SCARB1: variants seen among roughly 807,000 people sequenced by gnomAD.
SCARB1 encodes scavenger receptor class B member 1, also known as CD36 and LIMPII analogous 1.
Under a neutral mutation model 57.2 loss-of-function variants are expected in SCARB1, and 30 were observed. The observed-to-expected ratio is 0.52, with a 90% CI of 0.39 to 0.71. The LOEUF is 0.71. Among genes scored for constraint, SCARB1 ranks in the 30% least tolerant of loss-of-function variants. The pLI, the probability that SCARB1 is intolerant of heterozygous loss-of-function variation, is 0.00. For synonymous variants in SCARB1, 249 were observed against 268.3 expected (o/e 0.93, Z 0.70); for missense variants, 543 against 671.2 (o/e 0.81, Z 2.11).
intron 9 of SCARB1, among the ~76,000 whole-genome samples, chr12:124,791,094 G>C (rs1237601719): frequency 6.6e-6 from 1 of 152,226 alleles, no homozygotes; most frequent in Non-Finnish European, 1.5e-5. Context: ...TCTCTAGCGG[G>C]CTTCCCTGCC....
chr12:124,858,392 G>A lies in SCARB1; in HGVS notation c.126+5203C>T, dbSNP rs111782993. 3.1e-4 allele frequency among the ~76,000 whole-genome samples: 47 copies of A among 152,188 alleles called. 1 individual carries two copies. The highest frequency in any genetic ancestry group is 1.1e-3 in the African/African-American group (44 of 41,528). On this transcript the variant is annotated intron_variant, in intron 1 of 12. Coordinates refer to ENST00000261693, the MANE Select transcript of SCARB1 (RefSeq NM_005505.5). The stretch of plus-strand genomic sequence containing the variant: ...CACAATCGCGGCCCTTAGTGTGCCT[G>A]TCCAAACACCTCTCTCCAATCCTAC...
chr12:124,849,241 C>T (rs1566252889), intron 1 of SCARB1, among the ~76,000 whole-genome samples: 1 of 152,200 alleles, frequency 6.6e-6, no homozygotes, highest in Non-Finnish European at 1.5e-5. Context: ...GCTGCTGGGA[C>T]ACACTGCAGG....
intron 1 of SCARB1, among the ~76,000 whole-genome samples, chr12:124,849,841 T>C (rs1287968240): frequency 2.0e-5 from 3 of 151,526 alleles, no homozygotes; most frequent in East Asian, 1.9e-4. Context: ...GGTGGGAGGA[T>C]TGCTTGAGGC....
chr12:124,792,721 CA>C (rs930596389), intron 9 of SCARB1, among the ~76,000 whole-genome samples: 2,450 of 31,738 alleles, frequency 0.077, 30 homozygotes, highest in African/African-American at 0.22. Context: ...GACTTCGTCT[CA>C]AAAAAAAAAA....
intron 7 of SCARB1, among the ~76,000 whole-genome samples, chr12:124,803,332 A>G: frequency 6.6e-6 from 1 of 152,158 alleles, no homozygotes; most frequent in East Asian, 1.9e-4. Flanking sequence ...TAATCCCAGC[A>G]CTTTGGGCGG....
intron 12 of SCARB1, among the ~76,000 whole-genome samples, chr12:124,780,375 GT>G (rs920551465): frequency 5.9e-5 from 9 of 152,208 alleles, no homozygotes; most frequent in African/African-American, 2.2e-4. Flanking sequence ...AAAAATATCT[GT>G]TTTCCCCCCT....
In SCARB1 at chr12:124,777,587, C is replaced by T. The variant is rs1327842920; in HGVS notation, c.*1000G>A. 1 of 152,250 alleles carries T rather than the reference C, an allele frequency of 6.6e-6. No individual in the cohort carries two copies. The highest frequency in any genetic ancestry group is 2.4e-5 in the African/African-American group (1 of 41,452). The allele number at this position is 152,250 out of a possible 1,614,324, so 9.4% of individuals were successfully genotyped here. A position where few individuals can be genotyped will look rare whatever the true frequency, so the allele number is the denominator to read the frequency against. ...CCCGGAACTTCCCAGAGGCCCCCAC[C>T]CCCACGACCTCAGCAAACAAGGCTG... On this transcript the variant is annotated 3_prime_UTR_variant, in exon 13 of 13. Coordinates refer to ENST00000261693, the MANE Select transcript of SCARB1 (RefSeq NM_005505.5).
rs1413305598 is a variant in SCARB1, at chr12:124,817,698, T to C, written c.136A>G (p.Ile46Val). ...IKQQVLKNVRIDPSSLSFNMW... is the reference protein window; with the variant it reads ...IKQQVLKNVRVDPSSLSFNMW... ...TTGAAGGACAGGCTACTGGGGTCGA[T>C]GCGCACGTTCTGCAGGGGAAGGGAC... The change falls in exon 2 of 13, where the codon ATC (isoleucine) becomes GTC (valine). Residue 46 changes from isoleucine to valine, a missense_variant. By Grantham distance (29) the Ile-to-Val change is conservative (BLOSUM62 3). Coordinates refer to ENST00000261693, the MANE Select transcript of SCARB1 (RefSeq NM_005505.5). The surrounding 1 kb of genome is among the most constrained non-coding windows in gnomAD (Gnocchi z 4.8). 20 of 1,614,068 alleles carry C rather than the reference T, an allele frequency of 1.2e-5. No homozygotes were observed. The highest frequency in any genetic ancestry group is 1.7e-5 in the Non-Finnish European group (20 of 1,180,022).
At chr12:124,778,646 T>TGGCCC in intron 12 of SCARB1, 60 bp from the exon 13 acceptor site, 4 of 1,337,854 alleles carry the variant, frequency 3.0e-6, no homozygotes, top group Non-Finnish European at 3.8e-6. Flanking sequence ...CCCACCCTCA[T>TGGCCC]CCCCGCCCAC....
At chr12:124,833,432 C>T (rs988447023) in intron 1 of SCARB1, among the ~76,000 whole-genome samples, 5 of 152,164 alleles carry the variant, frequency 3.3e-5, no homozygotes, top group Admixed American at 6.5e-5. Context: ...TCAAAAATCT[C>T]CCACCTTGGC....
chr12:124,806,980 C>G (rs1201573365), intron 7 of SCARB1, among the ~76,000 whole-genome samples: 2 of 152,050 alleles, frequency 1.3e-5, no homozygotes, highest in Admixed American at 6.5e-5. Flanking sequence ...AGGCAGATCA[C>G]TTGAGGTCAG....
chr12:124,803,054 C>G (rs1950188318), intron 7 of SCARB1, among the ~76,000 whole-genome samples: 1 of 152,220 alleles, frequency 6.6e-6, no homozygotes, highest in Non-Finnish European at 1.5e-5. Context: ...GCTGCTACCA[C>G]CCACAACGTC....
chr12:124,857,432 C>T (rs1189229264), intron 1 of SCARB1, among the ~76,000 whole-genome samples: 1 of 152,160 alleles, frequency 6.6e-6, no homozygotes, highest in East Asian at 1.9e-4. Context: ...CGGTGACATC[C>T]CTGGCTGGCC....
chr12:124,821,729 AGGTCTGAAGACCCCG>A (rs1389089144), intron 1 of SCARB1, among the ~76,000 whole-genome samples: 3 of 152,208 alleles, frequency 2.0e-5, no homozygotes, highest in Non-Finnish European at 2.9e-5. Flanking sequence ...GCTTAGAACA[AGGTCTGAAGACCCCG>A]GGCACCAGAG....
At chr12:124,782,027 T>C (rs1011911307) in intron 12 of SCARB1, among the ~76,000 whole-genome samples, 1 of 152,208 alleles carries the variant, frequency 6.6e-6, no homozygotes, top group African/African-American at 2.4e-5. Context: ...TGCCTCAGCC[T>C]CCTGAGTAGC....
At chr12:124,823,596 G>A (rs1161830608) in intron 1 of SCARB1, among the ~76,000 whole-genome samples, 3 of 152,124 alleles carry the variant, frequency 2.0e-5, no homozygotes, top group Non-Finnish European at 2.9e-5. Flanking sequence ...CAAACGCAAA[G>A]TTACCGTATG....
chr12:124,835,239 G>A (rs1317572172), intron 1 of SCARB1, among the ~76,000 whole-genome samples: 5 of 150,830 alleles, frequency 3.3e-5, no homozygotes, highest in South Asian at 2.1e-4. Flanking sequence ...CCATCGCACC[G>A]GTCTATTTTT....
In SCARB1 at chr12:124,822,334, C is replaced by T. The variant is rs953023518; in HGVS notation, c.127-4627G>A. On this transcript the variant is annotated intron_variant, in intron 1 of 12. Transcript: ENST00000261693. The surrounding 1 kb of genome is among the most constrained non-coding windows in gnomAD (Gnocchi z 5.0). ...ATCCACACAATGGAATGCTACCTGG[C>T]AATCAAAAAGAACCAACCATGGATG... Among the ~76,000 whole-genome samples the T allele has an allele frequency of 3.9e-5, 6 of 152,058 alleles. No individual in the cohort carries two copies. Among genetic ancestry groups the T allele is most frequent in the Non-Finnish European group, 8.8e-5 (6 of 68,006 alleles).
At position 124,814,232 on chromosome 12, in the gene SCARB1, G is replaced by A. The variant is rs768225065; in HGVS notation, c.600C>T (p.Pro200=). Reference sequence around the variant, plus strand: ...CAAATAATCCGAACTTGTCCTTGAAGGGGAACATGCCTGGAAAGTACTTGT... The same window carrying A: ...CAAATAATCCGAACTTGTCCTTGAAAGGGAACATGCCTGGAAAGTACTTGT... ...LINKYFPGMF[P]FKDKFGLFAE... The change falls in exon 4 of 13, where the codon CCC becomes CCT. Residue 200 remains proline, a synonymous_variant. Coordinates refer to ENST00000261693, the MANE Select transcript of SCARB1 (RefSeq NM_005505.5). This position sits in a 1 kb window ranked among gnomAD's most constrained non-coding sequence, Gnocchi z 4.7. The A allele has an allele frequency of 5.0e-6, 8 of 1,614,196 alleles. No individual in the cohort carries two copies. The highest frequency in any genetic ancestry group is 1.1e-5 in the South Asian group (1 of 91,084).
Sources: allele counts gnomAD v4.1 joint callset (sites outside exome capture counted in the v4.1 genomes callset), GRCh38; gene constraint gnomAD v4.1.1; non-coding constraint Gnocchi (gnomAD v3.1); transcripts MANE v1.5; gene names NCBI Gene and HGNC (gene_info 2026-07-23, HGNC 2026-07-21).